Variants in PRKDC observed in about 807,000 individuals in gnomAD.
PRKDC encodes the protein DNA-dependent protein kinase catalytic subunit.
PRKDC carries 82 observed loss-of-function variants against 486.9 expected under a neutral mutation model. The ratio of observed to expected loss-of-function variants is 0.17; its 90% confidence interval spans 0.14 to 0.20. The LOEUF (loss-of-function observed/expected upper bound fraction) is 0.20, where lower values mean the gene tolerates loss of function less well. Ranked by LOEUF, PRKDC falls within the 10% of genes least tolerant of loss-of-function variation. The probability of loss-of-function intolerance (pLI) is 1.00; values close to 1 mark genes in which losing one functional copy is unlikely to be tolerated. For synonymous variants in PRKDC, 1,895 were observed against 1,837.0 expected (o/e 1.03, Z -0.81); for missense variants, 4,504 against 5,038.2 (o/e 0.89, Z 3.21).
intron 30 of PRKDC, among the ~76,000 whole-genome samples, chr8:47,896,757 G>C (rs776043271): frequency 6.6e-6 from 1 of 152,142 alleles, no homozygotes; most frequent in Non-Finnish European, 1.5e-5. Context: ...CCCACAATGG[G>C]GGAAGGCAGG....
intron 28 of PRKDC, among the ~76,000 whole-genome samples, chr8:47,900,094 T>C (rs1395395472): frequency 6.6e-6 from 1 of 152,232 alleles, no homozygotes; most frequent in Non-Finnish European, 1.5e-5. Context: ...AGTGTCTGAC[T>C]GGCTTCGTTG....
At chr8:47,950,407 C>T (rs1044332476) in intron 7 of PRKDC, among the ~76,000 whole-genome samples, 7 of 151,848 alleles carry the variant, frequency 4.6e-5, no homozygotes, top group Non-Finnish European at 1.0e-4. Flanking sequence ...GGGCAGATCA[C>T]GAGGTGAGGA....
intron 60 of PRKDC, among the ~76,000 whole-genome samples, 151 bp from the exon 61 acceptor site, chr8:47,830,887 G>T (rs564623450): frequency 6.6e-6 from 1 of 152,230 alleles, no homozygotes; most frequent in Non-Finnish European, 1.5e-5. Context: ...GTACTTTACC[G>T]TCTAGGGCAA....
chr8:47,830,515 A>C (rs2087840139), intron 61 of PRKDC, 90 bp downstream of exon 61: 14 of 1,520,836 alleles, frequency 9.2e-6, no homozygotes, highest in African/African-American at 1.4e-5. Context: ...GTTGCAGGAC[A>C]GCCTCAGCCA....
chr8:47,779,912 CTTT>C lies in PRKDC; in HGVS notation c.11490-822_11490-820del, dbSNP rs925534980. Among the ~76,000 whole-genome samples the C allele has an allele frequency of 5.4e-3, 581 of 107,028 alleles. 7 individuals are homozygous for C. The highest frequency in any genetic ancestry group is 0.019 in the African/African-American group (563 of 28,914). The allele number at this position is 107,028 out of a possible 152,430, so 70.2% of individuals were successfully genotyped here. The stretch of plus-strand genomic sequence containing the variant: ...CTCTTTTTCTTTTGTTTTGTTTTGT[CTTT>C]TTTTTTTTTTTTTTTTTGAGACAGA... On this transcript the variant is annotated intron_variant, in intron 80 of 85. Coordinates refer to ENST00000314191, the MANE Select transcript of PRKDC (RefSeq NM_006904.7).
chr8:47,839,094 C>G, intron 56 of PRKDC, 54 bp downstream of exon 56: 2 of 1,381,250 alleles, frequency 1.4e-6, no homozygotes, highest in African/African-American at 2.8e-5. Flanking sequence ...TCTATGCTAC[C>G]TTTGAAAGCA....
intron 40 of PRKDC, among the ~76,000 whole-genome samples, chr8:47,868,731 G>A (rs1403042452): frequency 6.6e-6 from 1 of 152,122 alleles, no homozygotes; most frequent in Non-Finnish European, 1.5e-5. Context: ...AGTGATCATT[G>A]TACCTGGTTT....
At chr8:47,823,821 G>T (rs2087663564) in intron 64 of PRKDC, 37 bp downstream of exon 64, 1 of 1,607,898 alleles carries the variant, frequency 6.2e-7, no homozygotes, top group Non-Finnish European at 8.5e-7. Flanking sequence ...CAAAAGTGTT[G>T]AAGTAAATGT....
At chr8:47,849,534 A>G in intron 52 of PRKDC, 31 bp from the exon 53 acceptor site, 2 of 1,606,480 alleles carry the variant, frequency 1.2e-6, no homozygotes, top group East Asian at 2.2e-5. Flanking sequence ...TCAAATACAC[A>G]AAAGTGGAAA....
At chr8:47,897,019 C>A in intron 30 of PRKDC, 142 bp downstream of exon 30, 1 of 932,922 alleles carries the variant, frequency 1.1e-6, no homozygotes, top group Non-Finnish European at 1.6e-6. Context: ...AACTGCATTA[C>A]CTCATCAACT....
At chr8:47,955,312 A>T (rs972827833) in intron 4 of PRKDC, among the ~76,000 whole-genome samples, 1 of 150,290 alleles carries the variant, frequency 6.7e-6, no homozygotes, top group Non-Finnish European at 1.5e-5. Context: ...AATACAAAAA[A>T]TTAGCCGGGC....
intron 74 of PRKDC, among the ~76,000 whole-genome samples, chr8:47,794,031 T>C (rs1464572469): frequency 6.6e-6 from 1 of 152,236 alleles, no homozygotes; most frequent in Non-Finnish European, 1.5e-5. Flanking sequence ...TCATCTCATC[T>C]AGTCTATCCC....
At chr8:47,823,765 GA>G in intron 64 of PRKDC, 92 bp downstream of exon 64, 1 of 1,424,096 alleles carries the variant, frequency 7.0e-7, no homozygotes, top group South Asian at 1.2e-5. Flanking sequence ...AACCAACAAG[GA>G]TCTGCTGTAC....
chr8:47,926,817 G>A (rs569856627), intron 21 of PRKDC: 53 of 157,316 alleles, frequency 3.4e-4, no homozygotes, highest in Admixed American at 2.9e-3. Context: ...TCTAGTGAAA[G>A]TAAAAATACA....
In PRKDC at chr8:47,779,274, T is replaced by C. The variant is rs149199716; in HGVS notation, c.11490-181A>G. ...TTACTCTGGATCTTGAATTTCAATA[T>C]ACCATTATTCATTCTTAATTACTCC... On this transcript the variant is annotated intron_variant, in intron 80 of 85. Transcript: ENST00000314191. The C allele has an allele frequency of 1.6e-3, 856 of 525,960 alleles. 3 individuals are homozygous for C. Among genetic ancestry groups the C allele is most frequent in the Middle Eastern group, 3.7e-3 (10 of 2,732 alleles). 32.6% of individuals were successfully genotyped at this position (525,960 alleles called of 1,614,324 possible).
intron 7 of PRKDC, among the ~76,000 whole-genome samples, chr8:47,945,883 G>A (rs1021454882): frequency 4.6e-5 from 7 of 152,076 alleles, no homozygotes; most frequent in East Asian, 2.0e-4. Flanking sequence ...CACCACGCCC[G>A]GCTAATTGTT....
chr8:47,947,437 T>C (rs1230436344), intron 7 of PRKDC, among the ~76,000 whole-genome samples: 1 of 152,346 alleles, frequency 6.6e-6, no homozygotes, highest in South Asian at 2.1e-4. Flanking sequence ...TGATTTCAAT[T>C]ACTGGTTTAA....
chr8:47,927,373 A>G lies in PRKDC; in HGVS notation c.2260-20T>C. On this transcript the variant is annotated intron_variant, in intron 20 of 85. Transcript: ENST00000314191. ...AGCCATCTGTATGTTAATACAAACA[A>G]GTTAAACTGAAACGCAGGAAATATA... The G allele has an allele frequency of 3.1e-6, 5 of 1,589,788 alleles. No homozygotes were observed. The highest frequency in any genetic ancestry group is 4.3e-6 in the Non-Finnish European group (5 of 1,172,660).
intron 69 of PRKDC, among the ~76,000 whole-genome samples, chr8:47,806,063 C>T (rs1459994275): frequency 6.6e-6 from 1 of 152,220 alleles, no homozygotes; most frequent in Non-Finnish European, 1.5e-5. Flanking sequence ...CCAAATCCTT[C>T]CATGCCCATA....
Sources: allele counts gnomAD v4.1 joint callset (sites outside exome capture counted in the v4.1 genomes callset), GRCh38; gene constraint gnomAD v4.1.1; transcripts MANE v1.5; gene names NCBI Gene and HGNC (gene_info 2026-07-23, HGNC 2026-07-21).